PCDHGA3: variants seen among roughly 807,000 people sequenced by gnomAD.
PCDHGA3 encodes the protein protocadherin gamma subfamily A, 3, also known as protocadherin gamma-A3.
In PCDHGA3, 40 loss-of-function variants were observed where a neutral mutation model predicts 58.5. The observed-to-expected ratio is 0.68, with a 90% confidence interval of 0.53 to 0.89. The LOEUF (loss-of-function observed/expected upper bound fraction) is 0.89. Among genes scored for constraint, PCDHGA3 ranks in the 40% least tolerant of loss-of-function variants. The pLI is 0.00. For missense variants in PCDHGA3, 1,223 were observed against 1,195.9 expected, an observed-to-expected ratio of 1.02 and a Z score of -0.33; for synonymous variants, 530 against 525.7, an observed-to-expected ratio of 1.01 and a Z score of -0.11.
intron 1 of PCDHGA3, chr5:141,427,047 C>T (rs1196561600): frequency 1.1e-5 from 5 of 457,294 alleles, no homozygotes; most frequent in Non-Finnish European, 1.8e-5. Flanking sequence ...GAATGTGCCC[C>T]CAGGCACCTC....
chr5:141,480,453 A>G (rs1033797238), intron 1 of PCDHGA3, among the ~76,000 whole-genome samples: 1 of 152,182 alleles, frequency 6.6e-6, no homozygotes, highest in African/African-American at 2.4e-5. Context: ...AATTATTTTT[A>G]TTAGTTCCTC....
chr5:141,409,106 A>T (rs1474106494), intron 1 of PCDHGA3: 1 of 1,613,930 alleles, frequency 6.2e-7, no homozygotes, highest in East Asian at 2.2e-5. Context: ...AGGTATGATT[A>T]AGAATAACCA....
chr5:141,423,759 G>C, intron 1 of PCDHGA3: 1 of 321,042 alleles, frequency 3.1e-6, no homozygotes, highest in Non-Finnish European at 4.5e-6. Flanking sequence ...TTGGGGGGGG[G>C]GTGGGGCGGC....
At chr5:141,427,857 G>T (rs746661329) in intron 1 of PCDHGA3, 2 of 1,554,576 alleles carry the variant, frequency 1.3e-6, no homozygotes, top group Admixed American at 3.3e-5. Flanking sequence ...GCAGCTGTGC[G>T]CCTTCGAGCT....
Position 141,486,046 on chromosome 5 carries a change from C to G in PCDHGA3, c.2425-8761C>G. 1.2e-6 allele frequency: 2 copies of G among 1,614,170 alleles called. No individual in the cohort carries two copies. Among genetic ancestry groups the G allele is most frequent in the Non-Finnish European group, 1.7e-6 (2 of 1,180,036 alleles). The stretch of plus-strand genomic sequence containing the variant: ...GTCATACCCCTGATCGTGTAAGAAA[C>G]CTCTTTAGCCTGCACCCCACTACTG... On this transcript the variant is annotated intron_variant, in intron 1 of 3. Coordinates refer to ENST00000253812, the MANE Select transcript of PCDHGA3 (RefSeq NM_018916.4). This position sits in a 1 kb window ranked among gnomAD's most constrained non-coding sequence, Gnocchi z 5.0.
At chr5:141,502,368 G>A (rs2099813930) in intron 2 of PCDHGA3, among the ~76,000 whole-genome samples, 1 of 151,996 alleles carries the variant, frequency 6.6e-6, no homozygotes, top group East Asian at 1.9e-4. Context: ...TATTTTTAAA[G>A]AGTCCAGGCC....
intron 1 of PCDHGA3, chr5:141,419,888 G>A: frequency 6.2e-7 from 1 of 1,614,056 alleles, no homozygotes; most frequent in Non-Finnish European, 8.5e-7. Context: ...GGATTTCAGC[G>A]ACCATCCCAC....
At chr5:141,353,268 T>C (rs1759232072) in intron 1 of PCDHGA3, among the ~76,000 whole-genome samples, 1 of 152,236 alleles carries the variant, frequency 6.6e-6, no homozygotes, top group Non-Finnish European at 1.5e-5. Flanking sequence ...TGCAATACTA[T>C]ATTTTCAAGT....
Position 141,351,827 on chromosome 5 carries a change from G to T in PCDHGA3, c.2424+5370G>T, listed in dbSNP as rs191017713. 84 of 1,613,198 alleles carry T rather than the reference G, an allele frequency of 5.2e-5. No homozygotes were observed. In the East Asian group the frequency reaches 5.8e-4, roughly 11 times the overall value. The stretch of plus-strand genomic sequence containing the variant: ...CGCCTTCGACCACGAGCAGCTGCGC[G>T]CCTTCGAGCTCACACTGCAGGCCAG... On this transcript the variant is annotated intron_variant, in intron 1 of 3. Coordinates refer to ENST00000253812, the MANE Select transcript of PCDHGA3 (RefSeq NM_018916.4).
chr5:141,374,711 C>G (rs1770761999), intron 1 of PCDHGA3: 7 of 1,609,366 alleles, frequency 4.3e-6, no homozygotes, highest in Non-Finnish European at 5.1e-6. Flanking sequence ...CGTTTACCGC[C>G]TGGTCCTTAC....
chr5:141,465,800 C>G (rs1486100601), intron 1 of PCDHGA3, among the ~76,000 whole-genome samples: 2 of 151,524 alleles, frequency 1.3e-5, no homozygotes, highest in East Asian at 3.9e-4. Flanking sequence ...TTTAAGAAAC[C>G]CTTCAGGATC....
intron 1 of PCDHGA3, chr5:141,478,104 CTG>C: frequency 6.2e-7 from 1 of 1,614,118 alleles, no homozygotes; most frequent in Middle Eastern, 1.6e-4. Context: ...GCTACCCTCA[CTG>C]TGTCAGTAAC....
chr5:141,483,245 A>G (rs2099578786), intron 1 of PCDHGA3, among the ~76,000 whole-genome samples: 1 of 151,456 alleles, frequency 6.6e-6, no homozygotes, highest in Non-Finnish European at 1.5e-5. Flanking sequence ...TGATATGCAT[A>G]TATCATGAGG....
Position 141,383,803 on chromosome 5 carries a change from T to C in PCDHGA3, c.2424+37346T>C, listed in dbSNP as rs141242913. 756 of 1,613,958 alleles carry C rather than the reference T, an allele frequency of 4.7e-4. 3 individuals carry two copies. The highest frequency in any genetic ancestry group is 8.2e-4 in the Middle Eastern group (5 of 6,062). ...TCTGAACTCGCTTACAGGAGAAATA[T>C]CAACTTTAGAAGGATTAGATTATGA... On this transcript the variant is annotated intron_variant, in intron 1 of 3. Transcript: ENST00000253812.
At position 141,395,259 on chromosome 5, in the gene PCDHGA3, C is replaced by T. The variant is rs1042867033; in HGVS notation, c.2424+48802C>T. ...TCAGGTGAGTTTAGTTCTTTGCTTG[C>T]TTTTAATTTCCAGATGAATTTTATT... On this transcript the variant is annotated intron_variant, in intron 1 of 3. Transcript: ENST00000253812. The T allele has an allele frequency of 3.2e-6, 5 of 1,551,850 alleles. No homozygotes were observed. In the Admixed American group the frequency reaches 1.0e-4, roughly 32 times the overall value.
At chr5:141,375,761 C>A in intron 1 of PCDHGA3, 1 of 1,614,236 alleles carries the variant, frequency 6.2e-7, no homozygotes, top group Non-Finnish European at 8.5e-7. Flanking sequence ...TGACAATGCG[C>A]CCGAGATCCT....
intron 1 of PCDHGA3, among the ~76,000 whole-genome samples, chr5:141,349,530 T>C (rs1758312666): frequency 6.6e-6 from 1 of 152,234 alleles, no homozygotes; most frequent in Non-Finnish European, 1.5e-5. Flanking sequence ...AAAGATTATC[T>C]ATATTTTATA....
chr5:141,377,724 A>G (rs549902283), intron 1 of PCDHGA3: 1 of 152,362 alleles, frequency 6.6e-6, no homozygotes, highest in South Asian at 2.1e-4. Flanking sequence ...TTTTGAAAAG[A>G]TAAGAATCAT....
At position 141,498,920 on chromosome 5, in the gene PCDHGA3, G is replaced by A. The variant is rs930391165; in HGVS notation, c.2483+4055G>A. On this transcript the variant is annotated intron_variant, in intron 2 of 3. Transcript: ENST00000253812. ...TGCACTCCAGTCTGGGTGACAGAGC[G>A]AGACTCCATCAGGAAAGAAAGAAAG... 3.3e-4 allele frequency among the ~76,000 whole-genome samples: 47 copies of A among 142,950 alleles called. 1 individual carries two copies. Among genetic ancestry groups the A allele is most frequent in the African/African-American group, 8.9e-4 (35 of 39,160 alleles). The allele number at this position is 142,950 out of a possible 152,430, so 93.8% of individuals were successfully genotyped here. A position where few individuals can be genotyped will look rare whatever the true frequency, so the allele number is the denominator to read the frequency against.
Sources: allele counts gnomAD v4.1 joint callset (sites outside exome capture counted in the v4.1 genomes callset), GRCh38; gene constraint gnomAD v4.1.1; non-coding constraint Gnocchi (gnomAD v3.1); transcripts MANE v1.5; gene names NCBI Gene and HGNC (gene_info 2026-07-23, HGNC 2026-07-21).